SLC44A5: variants seen among roughly 807,000 people sequenced by gnomAD.
SLC44A5 encodes the protein choline transporter-like protein 5.
SLC44A5 carries 57 observed loss-of-function variants against 101.8 expected under a neutral mutation model. That is an observed-to-expected ratio of 0.56 (90% CI 0.45 to 0.70). The LOEUF is 0.70. Ranked by LOEUF, SLC44A5 falls within the 30% of genes least tolerant of loss-of-function variation. The probability of loss-of-function intolerance (pLI) is 0.00; values close to 1 mark genes in which losing one functional copy is unlikely to be tolerated. For synonymous variants in SLC44A5, 281 were observed against 290.9 expected (o/e 0.97, Z 0.35); for missense variants, 737 against 853.1 (o/e 0.86, Z 1.70).
intron 2 of SLC44A5, among the ~76,000 whole-genome samples, chr1:75,505,937 C>A (rs1196068733): frequency 6.6e-6 from 1 of 152,066 alleles, no homozygotes; most frequent in Non-Finnish European, 1.5e-5. Context: ...AGACTAGTGT[C>A]CAAAATGGCA....
At chr1:75,309,800 A>T (rs943383319) in intron 4 of SLC44A5, among the ~76,000 whole-genome samples, 1 of 152,202 alleles carries the variant, frequency 6.6e-6, no homozygotes, top group Non-Finnish European at 1.5e-5. Context: ...TAGACATTTT[A>T]AAAAACACAT....
intron 6 of SLC44A5, among the ~76,000 whole-genome samples, chr1:75,258,235 T>C (rs949443488): frequency 2.5e-4 from 38 of 152,026 alleles, no homozygotes; most frequent in Non-Finnish European, 4.4e-5. Flanking sequence ...GGGAACCAAG[T>C]GGTCTGGCTT....
intron 12 of SLC44A5, 124 bp from the exon 13 acceptor site, chr1:75,227,981 C>T (rs1647259491): frequency 1.6e-6 from 1 of 641,436 alleles, no homozygotes; most frequent in African/African-American, 1.9e-5. Context: ...AGGCAAGACA[C>T]ATATTTACAC....
chr1:75,545,994 AT>A (rs1241206258), intron 1 of SLC44A5, among the ~76,000 whole-genome samples: 3 of 151,102 alleles, frequency 2.0e-5, no homozygotes, highest in Non-Finnish European at 4.4e-5. Context: ...CACCAAGCTA[AT>A]TTTTTTTGCC....
intron 4 of SLC44A5, among the ~76,000 whole-genome samples, chr1:75,331,672 G>A (rs1344434290): frequency 6.6e-6 from 1 of 152,096 alleles, no homozygotes; most frequent in Non-Finnish European, 1.5e-5. Flanking sequence ...TGCACTCACT[G>A]TAAACATGCT....
rs374227128 is a variant in SLC44A5 at position 75,213,711 on chromosome 1, A to G, written c.1956T>C (p.Pro652=). The part of the protein sequence containing the change: ...GPASLNYYWV[P]LLTVIFGSYL... ...CTCAGACACCAGCTCTTACCAGCAA[A>G]GGTACCCAGTAGTAATTTAAAGATG... The change falls in exon 22 of 24, where the codon CCT becomes CCC. Residue 652 remains proline (P), a synonymous_variant. Coordinates refer to ENST00000370859, the MANE Select transcript of SLC44A5 (RefSeq NM_001130058.2). 26 of 1,608,158 alleles carry G rather than the reference A, an allele frequency of 1.6e-5. No individual in the cohort carries two copies. The highest frequency in any genetic ancestry group is 4.3e-6 in the Non-Finnish European group (5 of 1,174,898).
chr1:75,479,255 T>C (rs557848522), intron 2 of SLC44A5, among the ~76,000 whole-genome samples: 7 of 152,184 alleles, frequency 4.6e-5, no homozygotes, highest in Non-Finnish European at 1.0e-4. Context: ...CAAAGCAGTG[T>C]GTAGCGGGAA....
Position 75,310,801 on chromosome 1 carries a change from C to T in SLC44A5, c.102-10116G>A, listed in dbSNP as rs150505418. Among the ~76,000 whole-genome samples the T allele has an allele frequency of 5.3e-5, 8 of 152,018 alleles. No individual in the cohort carries two copies. The East Asian group carries it at 9.7e-4, about 18-fold the overall frequency. On this transcript the variant is annotated intron_variant, in intron 4 of 23. Coordinates refer to ENST00000370859, the MANE Select transcript of SLC44A5 (RefSeq NM_001130058.2). ...AGTAAGTTAAACTGAGATTTGTTTC[C>T]CAGCAAAACCATGTTCTAGAGCTGA...
the SLC44A5 span, among the ~76,000 whole-genome samples, chr1:75,649,832 C>T: frequency 6.6e-6 from 1 of 152,144 alleles, no homozygotes; most frequent in East Asian, 1.9e-4. Context: ...AGGTGTATGC[C>T]TGTACTGAAA....
chr1:75,373,258 T>C (rs1660347845), intron 3 of SLC44A5, among the ~76,000 whole-genome samples: 2 of 151,906 alleles, frequency 1.3e-5, no homozygotes, highest in Admixed American at 1.3e-4. Context: ...GTGACAGACA[T>C]TGTGGCTAAA....
chr1:75,692,241 T>C, the SLC44A5 span, among the ~76,000 whole-genome samples: 1 of 137,382 alleles, frequency 7.3e-6, no homozygotes, highest in African/African-American at 2.8e-5. Flanking sequence ...TTGCCCAGGC[T>C]GGAATGCAGT....
At chr1:75,523,066 T>C (rs1192879315) in intron 2 of SLC44A5, among the ~76,000 whole-genome samples, 6 of 152,196 alleles carry the variant, frequency 3.9e-5, no homozygotes, top group East Asian at 1.9e-4. Flanking sequence ...TTTCTATTCA[T>C]TGATTCTACA....
chr1:75,321,450 CAG>C (rs58617518), intron 4 of SLC44A5, among the ~76,000 whole-genome samples: 5,296 of 145,146 alleles, frequency 0.036, 200 homozygotes, highest in African/African-American at 0.1. Flanking sequence ...TGTTATATGG[CAG>C]AGAGAGAGAG....
chr1:75,692,876 T>TC, the SLC44A5 span, among the ~76,000 whole-genome samples: 1 of 152,136 alleles, frequency 6.6e-6, no homozygotes, highest in East Asian at 1.9e-4. Context: ...TAGCCACATC[T>TC]CCCCTGGGAA....
In SLC44A5 at chr1:75,408,759, A is replaced by T. The variant is rs527733310; in HGVS notation, c.14-12138T>A. On this transcript the variant is annotated intron_variant, in intron 2 of 23. Transcript: ENST00000370859. ...GCATTAGGAGAAATACCTAATGTAG[A>T]TGATGGGTTGATGGGTGCAGCAAAC... Among the ~76,000 whole-genome samples the T allele has an allele frequency of 2.6e-5, 4 of 152,280 alleles. No individual in the cohort carries two copies. The South Asian group carries it at 8.3e-4, about 32-fold the overall frequency.
intron 2 of SLC44A5, among the ~76,000 whole-genome samples, chr1:75,502,839 C>T (rs1409803536): frequency 1.3e-5 from 2 of 151,850 alleles, no homozygotes; most frequent in East Asian, 3.9e-4. Flanking sequence ...GAATAAGTCC[C>T]AGTATTGTAA....
chr1:75,356,922 A>C (rs1195980377), intron 3 of SLC44A5, among the ~76,000 whole-genome samples: 1 of 152,198 alleles, frequency 6.6e-6, no homozygotes, highest in Non-Finnish European at 1.5e-5. Context: ...AGATTATACC[A>C]TATGGCCTAG....
chr1:75,208,727 A>G (rs1361720484), intron 23 of SLC44A5, among the ~76,000 whole-genome samples: 1 of 152,162 alleles, frequency 6.6e-6, no homozygotes, highest in Non-Finnish European at 1.5e-5. Context: ...GCTGTATATA[A>G]CATATCTATC....
At chr1:75,353,610 C>G (rs149263219) in intron 3 of SLC44A5, among the ~76,000 whole-genome samples, 1 of 152,198 alleles carries the variant, frequency 6.6e-6, no homozygotes, top group Non-Finnish European at 1.5e-5. Context: ...TTTATTCACT[C>G]TCCACACAGG....
Sources: allele counts gnomAD v4.1 joint callset (sites outside exome capture counted in the v4.1 genomes callset), GRCh38; gene constraint gnomAD v4.1.1; transcripts MANE v1.5; gene names NCBI Gene and HGNC (gene_info 2026-07-23, HGNC 2026-07-21).